PLXNA4: variants seen among roughly 807,000 people sequenced by gnomAD.
The protein encoded by PLXNA4 is plexin A4.
In PLXNA4, 44 loss-of-function variants were observed where a neutral mutation model predicts 191.8. The observed-to-expected ratio is 0.23, with a 90% CI of 0.18 to 0.29. The LOEUF (loss-of-function observed/expected upper bound fraction) is 0.29. Among genes scored for constraint, PLXNA4 ranks in the 10% least tolerant of loss-of-function variants. PLXNA4 has a pLI of 1.00. For synonymous variants in PLXNA4, 1,082 were observed against 1,009.5 expected, an observed-to-expected ratio of 1.07 and a Z score of -1.36; for missense variants, 1,800 against 2,488.8, an observed-to-expected ratio of 0.72 and a Z score of 5.89.
At chr7:132,593,901 G>A (rs1802652826) in intron 2 of PLXNA4, among the ~76,000 whole-genome samples, 1 of 152,226 alleles carries the variant, frequency 6.6e-6, no homozygotes, top group Non-Finnish European at 1.5e-5. Context: ...AGAAAAGTGT[G>A]CCTGGGCATC....
intron 1 of PLXNA4, among the ~76,000 whole-genome samples, chr7:132,539,179 G>C (rs1799968488): frequency 6.6e-6 from 1 of 152,156 alleles, no homozygotes; most frequent in African/African-American, 2.4e-5. Flanking sequence ...TCAAGAGATT[G>C]ACAGTGGAGT....
chr7:132,536,766 C>T (rs1268354297), intron 1 of PLXNA4, among the ~76,000 whole-genome samples: 1 of 152,216 alleles, frequency 6.6e-6, no homozygotes, highest in African/African-American at 2.4e-5. Flanking sequence ...TCATACACCA[C>T]CCCTAAGCGA....
Position 132,274,461 on chromosome 7 carries a change from C to T in PLXNA4, c.1503+23630G>A, listed in dbSNP as rs138648813. On this transcript the variant is annotated intron_variant, in intron 4 of 31. Transcript: ENST00000321063. ...GGACATTAACACTGGTACAATACCA[C>T]GACCTAAGCTCTAGGCCTTATTCTG... Among the ~76,000 whole-genome samples the T allele has an allele frequency of 2.9e-3, 447 of 152,162 alleles. 18 individuals are homozygous for T. The East Asian group carries it at 0.078, about 27-fold the overall frequency.
At chr7:132,572,527 G>A (rs945545015) in intron 1 of PLXNA4, among the ~76,000 whole-genome samples, 1 of 152,186 alleles carries the variant, frequency 6.6e-6, no homozygotes, top group Non-Finnish European at 1.5e-5. Flanking sequence ...CTTCCAGGCT[G>A]CTCCATGCCA....
chr7:132,406,560 C>T (rs1481160757), intron 3 of PLXNA4, among the ~76,000 whole-genome samples: 1 of 152,160 alleles, frequency 6.6e-6, no homozygotes, highest in African/African-American at 2.4e-5. Context: ...AGCATCTGCT[C>T]CCTCCTAGCC....
intron 3 of PLXNA4, among the ~76,000 whole-genome samples, chr7:132,348,349 A>T (rs541316187): frequency 6.6e-6 from 1 of 152,306 alleles, no homozygotes; most frequent in South Asian, 2.1e-4. Context: ...AAGACCTAAG[A>T]TGTCACTAGC....
chr7:132,187,814 T>C (rs910562506), intron 14 of PLXNA4, among the ~76,000 whole-genome samples: 1 of 152,176 alleles, frequency 6.6e-6, no homozygotes, highest in Middle Eastern at 3.2e-3. Flanking sequence ...ATCTTAGTAA[T>C]AGTAATACTA....
At chr7:132,186,487 C>A (rs959317875) in intron 15 of PLXNA4, among the ~76,000 whole-genome samples, 1 of 152,158 alleles carries the variant, frequency 6.6e-6, no homozygotes, top group African/African-American at 2.4e-5. Flanking sequence ...GCATATGGAG[C>A]CCATCCAGGG....
intron 3 of PLXNA4, among the ~76,000 whole-genome samples, chr7:132,421,092 C>G (rs1041288641): frequency 7.9e-5 from 12 of 152,198 alleles, no homozygotes; most frequent in Non-Finnish European, 1.3e-4. Flanking sequence ...ACTCTATGAT[C>G]CTATTCCCCT....
At chr7:132,370,217 C>T (rs1804378355) in intron 3 of PLXNA4, among the ~76,000 whole-genome samples, 1 of 152,172 alleles carries the variant, frequency 6.6e-6, no homozygotes, top group African/African-American at 2.4e-5. Context: ...GTAGAAAATC[C>T]AGGTACATTC....
intron 22 of PLXNA4, among the ~76,000 whole-genome samples, chr7:132,167,152 G>A (rs1402327810): frequency 6.6e-6 from 1 of 152,146 alleles, no homozygotes; most frequent in Non-Finnish European, 1.5e-5. Context: ...CAAAGGTATT[G>A]GAATAATGGC....
chr7:132,399,919 A>G (rs1793916502), intron 3 of PLXNA4, among the ~76,000 whole-genome samples: 1 of 152,042 alleles, frequency 6.6e-6, no homozygotes, highest in South Asian at 2.1e-4. Flanking sequence ...TGTAACTAAC[A>G]ATCCAATCGA....
At chr7:132,525,223 A>T (rs1799351880) in intron 1 of PLXNA4, among the ~76,000 whole-genome samples, 1 of 152,160 alleles carries the variant, frequency 6.6e-6, no homozygotes, top group Non-Finnish European at 1.5e-5. Context: ...AGGTTCATTC[A>T]TGTGGTAACA....
At chr7:132,331,367 G>C (rs764345277) in intron 3 of PLXNA4, among the ~76,000 whole-genome samples, 14 of 152,346 alleles carry the variant, frequency 9.2e-5, no homozygotes, top group Non-Finnish European at 1.8e-4. Context: ...CTCTGCCAAG[G>C]GTAATCAGGG....
intron 13 of PLXNA4, among the ~76,000 whole-genome samples, chr7:132,196,359 G>A (rs1797254709): frequency 6.6e-6 from 1 of 152,158 alleles, no homozygotes; most frequent in African/African-American, 2.4e-5. Flanking sequence ...TTACAAAACT[G>A]ATTCAAAACT....
intron 21 of PLXNA4, among the ~76,000 whole-genome samples, chr7:132,169,228 C>T (rs371310796): frequency 0.13 from 19,677 of 152,216 alleles, 1,561 homozygotes; most frequent in African/African-American, 0.21. Context: ...TAGGGACTCT[C>T]TCTAAGACCC....
intron 4 of PLXNA4, 93 bp downstream of exon 4, chr7:132,297,998 C>G (rs1421267556): frequency 6.6e-7 from 1 of 1,504,270 alleles, no homozygotes; most frequent in African/African-American, 1.4e-5. Flanking sequence ...AATCAAATCA[C>G]CTCTCTGCAG....
At position 132,150,922 on chromosome 7, in the gene PLXNA4, G is replaced by A. The variant is rs1584766475; in HGVS notation, c.4661-2276C>T. Among the ~76,000 whole-genome samples, 5 of 152,264 alleles carry A rather than the reference G, an allele frequency of 3.3e-5. No homozygotes were observed. The South Asian group carries it at 8.3e-4, about 25-fold the overall frequency. ...CAACAACCCTGGCTGAGTCATGCCCGGAAATTATGAGAATGAGAGTCCACC... is the reference window on the plus strand; with the variant it reads ...CAACAACCCTGGCTGAGTCATGCCCAGAAATTATGAGAATGAGAGTCCACC... On this transcript the variant is annotated intron_variant, in intron 25 of 31. Transcript: ENST00000321063.
At chr7:132,528,301 G>C (rs1228317071) in intron 1 of PLXNA4, among the ~76,000 whole-genome samples, 1 of 152,134 alleles carries the variant, frequency 6.6e-6, no homozygotes, top group Non-Finnish European at 1.5e-5. Flanking sequence ...TTGTTCTCAA[G>C]AACACCCAGC....
Sources: allele counts gnomAD v4.1 joint callset (sites outside exome capture counted in the v4.1 genomes callset), GRCh38; gene constraint gnomAD v4.1.1; transcripts MANE v1.5; gene names NCBI Gene and HGNC (gene_info 2026-07-23, HGNC 2026-07-21).